The following SIPA1L1 variants were observed in gnomAD, a reference collection of about 807,000 sequenced individuals.
SIPA1L1 encodes signal-induced proliferation-associated 1-like protein 1.
SIPA1L1 carries 26 observed loss-of-function variants against 162.7 expected under a neutral mutation model. The ratio of observed to expected loss-of-function variants is 0.16; its 90% confidence interval spans 0.12 to 0.22. SIPA1L1 has a LOEUF of 0.22. Ranked by LOEUF, SIPA1L1 falls within the 10% of genes least tolerant of loss-of-function variation. The probability of loss-of-function intolerance (pLI) is 1.00; values close to 1 mark genes in which losing one functional copy is unlikely to be tolerated. For missense variants in SIPA1L1, 1,874 were observed against 2,241.0 expected (o/e 0.84, Z 3.31); for synonymous variants, 829 against 837.4 (o/e 0.99, Z 0.17).
At chr14:71,372,028 C>A (rs2038937671) in intron 2 of SIPA1L1, among the ~76,000 whole-genome samples, 1 of 152,108 alleles carries the variant, frequency 6.6e-6, no homozygotes, top group East Asian at 1.9e-4. Context: ...ATTTGCTGAA[C>A]CCTTTATTTT....
chr14:71,375,185 GGAGCT>G, intron 2 of SIPA1L1, among the ~76,000 whole-genome samples: 1 of 152,178 alleles, frequency 6.6e-6, no homozygotes, highest in Middle Eastern at 3.4e-3. Flanking sequence ...TAGCCTCTGG[GGAGCT>G]GCCATTTTGG....
At chr14:71,573,712 G>T (rs186655726) in intron 4 of SIPA1L1, 20 of 456,652 alleles carry the variant, frequency 4.4e-5, no homozygotes, top group Admixed American at 3.1e-4. Context: ...CCTGCCAATG[G>T]TTTTTTTCTC....
intron 2 of SIPA1L1, among the ~76,000 whole-genome samples, chr14:71,338,338 T>C (rs1391544901): frequency 6.6e-6 from 1 of 152,212 alleles, no homozygotes; most frequent in Admixed American, 6.5e-5. Flanking sequence ...TTACCTTTTG[T>C]CTTCTCAGGC....
intron 6 of SIPA1L1, among the ~76,000 whole-genome samples, chr14:71,619,766 T>G (rs1476067413): frequency 6.6e-6 from 1 of 152,162 alleles, no homozygotes; most frequent in African/African-American, 2.4e-5. Context: ...TTTCCCCCAT[T>G]GAATGCAAAG....
chr14:71,552,017 CG>C (rs2055886314), intron 4 of SIPA1L1, among the ~76,000 whole-genome samples: 1 of 152,096 alleles, frequency 6.6e-6, no homozygotes. Flanking sequence ...AGCCATCTGA[CG>C]TTTATCTTGT....
At chr14:71,485,919 T>TC (rs1163637231) in intron 2 of SIPA1L1, among the ~76,000 whole-genome samples, 2 of 151,870 alleles carry the variant, frequency 1.3e-5, no homozygotes, top group East Asian at 1.9e-4. Context: ...AACTTCCATT[T>TC]CCCCCCCTAC....
intron 3 of SIPA1L1, among the ~76,000 whole-genome samples, chr14:71,518,161 G>A (rs1181830320): frequency 6.6e-6 from 1 of 151,980 alleles, no homozygotes; most frequent in Non-Finnish European, 1.5e-5. Context: ...GCTCACACGT[G>A]TAGTTTCAGT....
chr14:71,678,764 G>A (rs930124290), intron 12 of SIPA1L1, among the ~76,000 whole-genome samples: 16 of 151,858 alleles, frequency 1.1e-4, no homozygotes, highest in African/African-American at 3.9e-4. Flanking sequence ...GAATCCGTCT[G>A]GTCCTGGACT....
chr14:71,725,450 A>G (rs941904713), intron 19 of SIPA1L1, among the ~76,000 whole-genome samples: 1 of 152,208 alleles, frequency 6.6e-6, no homozygotes, highest in South Asian at 2.1e-4. Context: ...AAAGCCTTCT[A>G]TTTTATGCTC....
At chr14:71,670,192 A>G (rs2044380087) in intron 10 of SIPA1L1, among the ~76,000 whole-genome samples, 1 of 152,164 alleles carries the variant, frequency 6.6e-6, no homozygotes, top group African/African-American at 2.4e-5. Flanking sequence ...AAAACACTCA[A>G]CCTCTCTATT....
intron 4 of SIPA1L1, among the ~76,000 whole-genome samples, chr14:71,559,160 C>G (rs1461136921): frequency 6.6e-6 from 1 of 151,820 alleles, no homozygotes; most frequent in Non-Finnish European, 1.5e-5. Context: ...CTCCGCCTCC[C>G]TGGTTCAAGC....
chr14:71,694,384 A>G (rs1272324396), intron 13 of SIPA1L1, among the ~76,000 whole-genome samples: 4 of 152,148 alleles, frequency 2.6e-5, no homozygotes, highest in East Asian at 1.9e-4. Flanking sequence ...TGCATTGCAT[A>G]TAAATGAAAA....
At chr14:71,605,645 G>C (rs2037398120) in intron 5 of SIPA1L1, among the ~76,000 whole-genome samples, 1 of 152,180 alleles carries the variant, frequency 6.6e-6, no homozygotes, top group South Asian at 2.1e-4. Context: ...TCTGTAAACA[G>C]CATAAGTTGT....
rs2082162968 is a variant in SIPA1L1, at chr14:71,702,514, T to G, written c.3646+9T>G. 2 of 1,613,124 alleles carry G rather than the reference T, an allele frequency of 1.2e-6. No homozygotes were observed. The highest frequency in any genetic ancestry group is 1.7e-6 in the Non-Finnish European group (2 of 1,179,404). ...CATTGCTGACCAGATGGGTAAGTAA[T>G]CAATTTCTACAAGAAGAAAGTTGCT... On this transcript the variant is annotated intron_variant, in intron 15 of 23. Coordinates refer to ENST00000381232, the MANE Select transcript of SIPA1L1 (RefSeq NM_001386936.1).
intron 12 of SIPA1L1, among the ~76,000 whole-genome samples, chr14:71,683,788 A>C (rs1408721989): frequency 6.6e-6 from 1 of 152,224 alleles, no homozygotes; most frequent in Non-Finnish European, 1.5e-5. Context: ...ATGTGCCATA[A>C]AACAATGTTT....
chr14:71,671,719 A>C lies in SIPA1L1; in HGVS notation c.2829+27A>C, dbSNP rs748621692. 1.1e-5 allele frequency: 17 copies of C among 1,515,454 alleles called. No individual in the cohort carries two copies. In the Admixed American group the frequency reaches 3.3e-4, roughly 29 times the overall value. 93.9% of individuals were successfully genotyped at this position (1,515,454 alleles called of 1,614,324 possible). A position where few individuals can be genotyped will look rare whatever the true frequency, so the allele number is the denominator to read the frequency against. On this transcript the variant is annotated intron_variant, in intron 11 of 23. Coordinates refer to ENST00000381232, the MANE Select transcript of SIPA1L1 (RefSeq NM_001386936.1). ...TGAGTCTCTCCTTCCTCTTCCTTAC[A>C]TGCAGTTTCTCTTTCATAAAGTTTT...
At chr14:71,649,651 G>A (rs942117615) in intron 7 of SIPA1L1, among the ~76,000 whole-genome samples, 1 of 152,100 alleles carries the variant, frequency 6.6e-6, no homozygotes, top group Non-Finnish European at 1.5e-5. Flanking sequence ...TGCATTTGAG[G>A]AAGAAATATT....
At chr14:71,487,037 C>T (rs1202754288) in intron 2 of SIPA1L1, among the ~76,000 whole-genome samples, 1 of 152,170 alleles carries the variant, frequency 6.6e-6, no homozygotes, top group Non-Finnish European at 1.5e-5. Flanking sequence ...GATTCAGTAC[C>T]AAATTCTGCC....
intron 2 of SIPA1L1, among the ~76,000 whole-genome samples, chr14:71,421,618 A>C (rs1257932100): frequency 6.6e-6 from 1 of 152,098 alleles, no homozygotes; most frequent in Non-Finnish European, 1.5e-5. Flanking sequence ...AAAATAAAAT[A>C]ATAAAATAGG....
Sources: gnomAD v4.1 joint callset for allele counts (sites outside exome capture counted in the v4.1 genomes callset) on GRCh38, gnomAD v4.1.1 for gene constraint, MANE v1.5 for transcripts, NCBI Gene and HGNC (gene_info 2026-07-23, HGNC 2026-07-21) for gene names.